Variants in ANKRD27 observed in about 807,000 individuals in gnomAD.
ANKRD27 encodes the protein ankyrin repeat domain 27, also known as ankyrin repeat domain-containing protein 27.
A neutral mutation model predicts 129.7 loss-of-function variants in ANKRD27; 112 were observed. That is an observed-to-expected ratio of 0.86 (90% CI 0.74 to 1.01). ANKRD27 has a LOEUF of 1.01. ANKRD27 is among the 50% of genes least tolerant of loss of function. ANKRD27 has a pLI of 0.00. For missense variants in ANKRD27, 1,258 were observed against 1,300.5 expected (o/e 0.97, Z 0.50); for synonymous variants, 516 against 511.2 (o/e 1.01, Z -0.13).
intron 1 of ANKRD27, among the ~76,000 whole-genome samples, chr19:32,666,629 A>G (rs2145326601): frequency 6.8e-6 from 1 of 147,630 alleles, no homozygotes; most frequent in African/African-American, 2.5e-5. Context: ...CAGAAAAGGA[A>G]ATCAGATTTC....
rs3760943 is a variant in ANKRD27, at chr19:32,640,206, G to A, written c.983+101C>T. The A allele has an allele frequency of 0.5, 400,758 of 809,582 alleles. 106,720 individuals are homozygous for A. The highest frequency in any genetic ancestry group is 0.57 in the Non-Finnish European group (280,487 of 488,544). 50.1% of individuals were successfully genotyped at this position (809,582 alleles called of 1,614,324 possible). A position where few individuals can be genotyped will look rare whatever the true frequency, so the allele number is the denominator to read the frequency against. ...TCTCGATCTCCTGACCTCGTGATCCGCCCGCCTTGGCCTCCCAAAGTGCTG... is the reference window on the plus strand; with the variant it reads ...TCTCGATCTCCTGACCTCGTGATCCACCCGCCTTGGCCTCCCAAAGTGCTG... On this transcript the variant is annotated intron_variant, in intron 11 of 28. Transcript: ENST00000306065.
intron 12 of ANKRD27, 97 bp from the exon 13 acceptor site, chr19:32,631,591 A>C: frequency 1.1e-6 from 1 of 904,952 alleles, no homozygotes; most frequent in Non-Finnish European, 1.8e-6. Flanking sequence ...TCAGAGCAGT[A>C]TCGGCTGCGC....
chr19:32,619,365 G>C lies in ANKRD27; in HGVS notation c.1902C>G (p.Ser634=), dbSNP rs1012428715. 1 of 1,613,724 alleles carries C rather than the reference G, an allele frequency of 6.2e-7. No individual in the cohort carries two copies. The highest frequency in any genetic ancestry group is 8.5e-7 in the Non-Finnish European group (1 of 1,180,012). Residue 634 remains serine, a synonymous_variant, in exon 20 of 29, where the codon TCC becomes TCG. Coordinates refer to ENST00000306065, the MANE Select transcript of ANKRD27 (RefSeq NM_032139.3). ...RQKSSEAPVQ[S]PQRSVDSISQ... is the part of the protein sequence containing the mutation. ...TGATGGAGTCCACGGAGCGCTGCGG[G>C]GACTGCACAGGGGCCTGCAGCCAAG...
At chr19:32,667,536 C>T (rs541846800) in intron 1 of ANKRD27, among the ~76,000 whole-genome samples, 19 of 152,164 alleles carry the variant, frequency 1.2e-4, no homozygotes, top group East Asian at 3.9e-4. Context: ...TCACTTCCAA[C>T]GAAGAGAAGA....
intron 1 of ANKRD27, among the ~76,000 whole-genome samples, chr19:32,664,305 C>T (rs1036266084): frequency 6.6e-6 from 1 of 151,850 alleles, no homozygotes; most frequent in Non-Finnish European, 1.5e-5. Flanking sequence ...AGGTATATGT[C>T]ACTGCACTTG....
intron 9 of ANKRD27, among the ~76,000 whole-genome samples, chr19:32,642,896 C>T (rs746987148): frequency 6.6e-5 from 10 of 152,134 alleles, no homozygotes; most frequent in South Asian, 2.1e-4. Context: ...CCGTGCCCAG[C>T]GGCTCCCATC....
intron 1 of ANKRD27, among the ~76,000 whole-genome samples, chr19:32,661,367 C>G (rs1967643340): frequency 6.6e-6 from 1 of 152,010 alleles, no homozygotes; most frequent in Non-Finnish European, 1.5e-5. Context: ...CACTGTCGCC[C>G]AGGCTAGAGC....
At chr19:32,650,111 C>G (rs976637983) in intron 2 of ANKRD27, among the ~76,000 whole-genome samples, 2 of 152,126 alleles carry the variant, frequency 1.3e-5, no homozygotes, top group Non-Finnish European at 2.9e-5. Context: ...GGGTCCCCCC[C>G]AGGCTAGTGG....
chr19:32,644,386 T>C lies in ANKRD27; in HGVS notation c.464A>G (p.Asn155Ser). The change falls in exon 5 of 29, where the codon AAC (asparagine) becomes AGC (serine). Residue 155 changes from asparagine (N) to serine (S), a missense_variant. Transcript: ENST00000306065. Reference protein sequence around the residue: ...LGRHSERFDRNIASFHRTFRE... With the variant: ...LGRHSERFDRSIASFHRTFRE... ...GAATGTTCGATGGAAAGAGGCGATG[T>C]TCCTGTCAAATCGCTCGGAGTGTCT... 1 of 1,614,072 alleles carries C rather than the reference T, an allele frequency of 6.2e-7. No homozygotes were observed.
chr19:32,599,905 A>T, intron 27 of ANKRD27, 67 bp downstream of exon 27: 1 of 1,513,968 alleles, frequency 6.6e-7, no homozygotes, highest in Non-Finnish European at 9.1e-7. Flanking sequence ...CAATTGAAGC[A>T]GCTTACGTGC....
intron 2 of ANKRD27, among the ~76,000 whole-genome samples, chr19:32,656,899 A>G (rs1241545554): frequency 6.6e-6 from 1 of 152,162 alleles, no homozygotes; most frequent in African/African-American, 2.4e-5. Context: ...AAATGAAGAG[A>G]TGACAGTGAA....
intron 18 of ANKRD27, among the ~76,000 whole-genome samples, chr19:32,621,635 C>CAAA (rs533309863): frequency 1.3e-5 from 2 of 151,922 alleles, no homozygotes; most frequent in African/African-American, 4.8e-5. Context: ...CTCAAAACAA[C>CAAA]AAAAAAAATT....
intron 1 of ANKRD27, among the ~76,000 whole-genome samples, chr19:32,673,982 CAAAAA>C (rs59398609): frequency 9.0e-6 from 1 of 110,980 alleles, no homozygotes; most frequent in African/African-American, 3.5e-5. Flanking sequence ...TCCATCTCTA[CAAAAA>C]AAAAAAAAAA....
At chr19:32,598,608 G>C (rs1355897076) in intron 28 of ANKRD27, among the ~76,000 whole-genome samples, 1 of 152,156 alleles carries the variant, frequency 6.6e-6, no homozygotes, top group East Asian at 1.9e-4. Flanking sequence ...TAGGAGGCAT[G>C]TACTACTATT....
intron 25 of ANKRD27, among the ~76,000 whole-genome samples, chr19:32,603,315 T>C (rs995876056): frequency 6.6e-6 from 1 of 152,156 alleles, no homozygotes; most frequent in Non-Finnish European, 1.5e-5. Flanking sequence ...AGCCTGTCCA[T>C]GGAGTGGATT....
intron 9 of ANKRD27, 91 bp downstream of exon 9, chr19:32,643,032 T>C: frequency 2.7e-6 from 3 of 1,126,270 alleles, no homozygotes; most frequent in Non-Finnish European, 3.8e-6. Flanking sequence ...CAAACCAGCG[T>C]GTCACCTCTG....
intron 28 of ANKRD27, 130 bp downstream of exon 28, chr19:32,599,574 A>C (rs1014194431): frequency 2.7e-6 from 2 of 748,220 alleles, no homozygotes; most frequent in Non-Finnish European, 4.4e-6. Flanking sequence ...TTCCAGTTTT[A>C]ACTGCTGCTA....
At chr19:32,650,523 C>T (rs1967393196) in intron 2 of ANKRD27, among the ~76,000 whole-genome samples, 1 of 152,066 alleles carries the variant, frequency 6.6e-6, no homozygotes, top group African/African-American at 2.4e-5. Context: ...TCTGTCTCTA[C>T]TAAAAACACA....
chr19:32,626,656 A>G, intron 16 of ANKRD27, 56 bp downstream of exon 16: 1 of 1,395,676 alleles, frequency 7.2e-7, no homozygotes, highest in Admixed American at 2.0e-5. Context: ...GTCACCACGC[A>G]GAACCAAGCT....
Sources: allele counts gnomAD v4.1 joint callset (sites outside exome capture counted in the v4.1 genomes callset), GRCh38; gene constraint gnomAD v4.1.1; transcripts MANE v1.5; gene names NCBI Gene and HGNC (gene_info 2026-07-23, HGNC 2026-07-21).